GRIK3: variants seen among roughly 807,000 people sequenced by gnomAD.
GRIK3 encodes glutamate ionotropic receptor kainate type subunit 3, also known as glutamate receptor ionotropic, kainate 3.
A neutral mutation model predicts 102.5 loss-of-function variants in GRIK3; 29 were observed. That is an observed-to-expected ratio of 0.28 (90% confidence interval 0.21 to 0.39). The LOEUF (loss-of-function observed/expected upper bound fraction) is 0.39, where lower values mean the gene tolerates loss of function less well. Ranked by LOEUF, GRIK3 falls within the 10% of genes least tolerant of loss-of-function variation. The pLI is 1.00. For missense variants in GRIK3, 908 were observed against 1,252.4 expected, an observed-to-expected ratio of 0.73 and a Z score of 4.15; for synonymous variants, 511 against 504.9, an observed-to-expected ratio of 1.01 and a Z score of -0.16.
chr1:37,008,602 C>T (rs1392124777), intron 1 of GRIK3, among the ~76,000 whole-genome samples: 2 of 152,198 alleles, frequency 1.3e-5, no homozygotes, highest in African/African-American at 2.4e-5. Context: ...CATGAAGAGA[C>T]GGGGACACAG....
chr1:36,880,054 G>A lies in GRIK3; in HGVS notation c.550+580C>T, dbSNP rs184993649. On this transcript the variant is annotated intron_variant, in intron 3 of 15. Coordinates refer to ENST00000373091, the MANE Select transcript of GRIK3 (RefSeq NM_000831.4). This position sits in a 1 kb window ranked among gnomAD's most constrained non-coding sequence, Gnocchi z 5.4. ...AGGATGAGAAGAACCAACCTTCAGC[G>A]CTCACTGCATGTCAGTGCTTGTCAC... 1.2e-4 allele frequency among the ~76,000 whole-genome samples: 18 copies of A among 152,252 alleles called. No individual in the cohort carries two copies. The highest frequency in any genetic ancestry group is 3.4e-4 in the African/African-American group (14 of 41,530).
rs1027452408 is a variant in GRIK3, at chr1:36,813,548, C to A, written c.2091+3512G>T. On this transcript the variant is annotated intron_variant, in intron 13 of 15. Transcript: ENST00000373091. ...TGTCTGACCTTGTACCCCGCTCCAC[C>A]ACTGATCTGCTGTGTGATAATGGGC... is the stretch of plus-strand genomic sequence containing the variant. 4.6e-5 allele frequency among the ~76,000 whole-genome samples: 7 copies of A among 152,166 alleles called. No homozygotes were observed. The East Asian group carries it at 1.2e-3, about 25-fold the overall frequency.
Position 36,849,940 on chromosome 1 carries a change from C to G in GRIK3, c.1326+371G>C, listed in dbSNP as rs1483888173. On this transcript the variant is annotated intron_variant, in intron 9 of 15. Transcript: ENST00000373091. Reference sequence around the variant, plus strand: ...CTCGAGGTGTGGCCACAGCACCCACCACAGCTGGGGTGACTTGTGGGAAAG... The same window carrying G: ...CTCGAGGTGTGGCCACAGCACCCACGACAGCTGGGGTGACTTGTGGGAAAG... 1.9e-5 allele frequency: 4 copies of G among 213,944 alleles called. No individual in the cohort carries two copies. The East Asian group carries it at 5.4e-4, about 29-fold the overall frequency. The allele number at this position is 213,944 out of a possible 1,614,324, so 13.3% of individuals were successfully genotyped here.
intron 1 of GRIK3, among the ~76,000 whole-genome samples, chr1:36,935,744 C>A (rs56128355): frequency 6.6e-6 from 1 of 152,102 alleles, no homozygotes; most frequent in Non-Finnish European, 1.5e-5. Context: ...AAACTAACTG[C>A]GAGTCAGGAA....
At chr1:37,027,997 C>A (rs1026406709) in intron 1 of GRIK3, among the ~76,000 whole-genome samples, 3 of 152,208 alleles carry the variant, frequency 2.0e-5, no homozygotes, top group Non-Finnish European at 4.4e-5. Flanking sequence ...GACCCAGAGG[C>A]AGCAGGCCCA....
At chr1:36,871,544 T>C (rs899952327) in intron 4 of GRIK3, among the ~76,000 whole-genome samples, 3 of 152,098 alleles carry the variant, frequency 2.0e-5, no homozygotes, top group African/African-American at 7.2e-5. Context: ...TTGGAGCGGG[T>C]GGTAGGCGAT....
intron 10 of GRIK3, among the ~76,000 whole-genome samples, chr1:36,831,951 T>G (rs1029074565): frequency 3.9e-5 from 6 of 152,056 alleles, no homozygotes; most frequent in Non-Finnish European, 7.4e-5. Context: ...GCACATGAAC[T>G]GTTCTCCACC....
intron 11 of GRIK3, among the ~76,000 whole-genome samples, chr1:36,822,273 G>C (rs1642703293): frequency 6.6e-6 from 1 of 152,236 alleles, no homozygotes; most frequent in Admixed American, 6.5e-5. Context: ...AGTTCCAGGG[G>C]TGGAACTGCT....
intron 1 of GRIK3, among the ~76,000 whole-genome samples, chr1:36,918,738 AG>A (rs1374716218): frequency 2.0e-5 from 3 of 152,068 alleles, no homozygotes; most frequent in Non-Finnish European, 4.4e-5. Context: ...TCTCCCACCT[AG>A]ATTGTGTGAC....
At chr1:36,890,182 A>G (rs1641098349) in intron 2 of GRIK3, among the ~76,000 whole-genome samples, 1 of 152,146 alleles carries the variant, frequency 6.6e-6, no homozygotes, top group African/African-American at 2.4e-5. Context: ...CAAAAATGTC[A>G]GAATGGCCAG....
At chr1:36,896,392 T>C (rs1030845369) in intron 1 of GRIK3, among the ~76,000 whole-genome samples, 14 of 152,140 alleles carry the variant, frequency 9.2e-5, no homozygotes, top group African/African-American at 3.4e-4. Flanking sequence ...ATTATTTTGT[T>C]ACTGTAAAAT....
chr1:36,898,641 T>C (rs1013855536), intron 1 of GRIK3, among the ~76,000 whole-genome samples: 2 of 152,190 alleles, frequency 1.3e-5, no homozygotes, highest in Non-Finnish European at 2.9e-5. Context: ...GAAATCCTTA[T>C]GACATTTCAA....
Position 36,817,281 on chromosome 1 carries a change from G to A in GRIK3, c.1874-4C>T, listed in dbSNP as rs1207635733. ...GCTTTGGGCATCAGCTCAGACCCTGGGCGAAGAGAGGAGATAGTCAGTCCC... is the reference window on the plus strand; with the variant it reads ...GCTTTGGGCATCAGCTCAGACCCTGAGCGAAGAGAGGAGATAGTCAGTCCC... On this transcript the variant is annotated splice_region_variant and splice_polypyrimidine_tract_variant and intron_variant, in intron 12 of 15. Coordinates refer to ENST00000373091, the MANE Select transcript of GRIK3 (RefSeq NM_000831.4). 5 of 1,591,634 alleles carry A rather than the reference G, an allele frequency of 3.1e-6. No individual in the cohort carries two copies. The highest frequency in any genetic ancestry group is 4.3e-6 in the Non-Finnish European group (5 of 1,159,620).
At chr1:36,892,436 A>G (rs1010432639) in intron 1 of GRIK3, among the ~76,000 whole-genome samples, 4 of 152,288 alleles carry the variant, frequency 2.6e-5, no homozygotes, top group Non-Finnish European at 5.9e-5. Context: ...CCAAGAGTTC[A>G]AGACCAACTT....
At chr1:37,011,691 T>TTACA (rs1421283743) in intron 1 of GRIK3, among the ~76,000 whole-genome samples, 2 of 152,186 alleles carry the variant, frequency 1.3e-5, no homozygotes, top group African/African-American at 4.8e-5. Flanking sequence ...TCCATTAAGA[T>TTACA]TACATACACA....
chr1:36,931,703 T>G (rs1329652398), intron 1 of GRIK3, among the ~76,000 whole-genome samples: 2 of 152,170 alleles, frequency 1.3e-5, no homozygotes, highest in Non-Finnish European at 2.9e-5. Context: ...ATCTTCCTAA[T>G]TTGGCATCAG....
rs551100141 is a variant in GRIK3 at position 36,938,162 on chromosome 1, G to T, written c.116-47066C>A. ...GGCAGCATGGAGATCAAGGGCAAGT[G>T]CTGAGGCTGAAGGGCAGGGGCAGGA... is the stretch of plus-strand genomic sequence containing the variant. On this transcript the variant is annotated intron_variant, in intron 1 of 15. Coordinates refer to ENST00000373091, the MANE Select transcript of GRIK3 (RefSeq NM_000831.4). Among the ~76,000 whole-genome samples the T allele has an allele frequency of 6.3e-4, 96 of 152,314 alleles. 1 individual carries two copies. The highest frequency in any genetic ancestry group is 5.9e-4 in the Non-Finnish European group (40 of 68,030).
intron 1 of GRIK3, among the ~76,000 whole-genome samples, chr1:36,952,202 T>G (rs1043379022): frequency 6.6e-5 from 10 of 152,182 alleles, no homozygotes; most frequent in African/African-American, 1.9e-4. Context: ...TACTCATCCC[T>G]CAAAACCCTA....
rs569752141 is a variant in GRIK3 at position 36,904,075 on chromosome 1, T to A, written c.116-12979A>T. On this transcript the variant is annotated intron_variant, in intron 1 of 15. Transcript: ENST00000373091. ...GCTATGCATGTGTGTGGGCAGGGGGTATATGGGAAATCTCCGTGCCTTCCA... is the reference window on the plus strand; with the variant it reads ...GCTATGCATGTGTGTGGGCAGGGGGAATATGGGAAATCTCCGTGCCTTCCA... 2.9e-3 allele frequency among the ~76,000 whole-genome samples: 436 copies of A among 152,090 alleles called. 2 individuals are homozygous for A. The highest frequency in any genetic ancestry group is 9.5e-3 in the African/African-American group (395 of 41,492).
Sources: gnomAD v4.1 joint callset for allele counts (sites outside exome capture counted in the v4.1 genomes callset) on GRCh38, gnomAD v4.1.1 for gene constraint, Gnocchi (gnomAD v3.1) non-coding constraint, MANE v1.5 for transcripts, NCBI Gene and HGNC (gene_info 2026-07-23, HGNC 2026-07-21) for gene names.